Variants in ARHGAP26 observed in about 807,000 individuals in gnomAD.
ARHGAP26 encodes the protein rho GTPase-activating protein 26.
ARHGAP26 carries 38 observed loss-of-function variants against 104.8 expected under a neutral mutation model. That is an observed-to-expected ratio of 0.36 (90% CI 0.28 to 0.48). The LOEUF (loss-of-function observed/expected upper bound fraction) is 0.48, where lower values mean the gene tolerates loss of function less well. ARHGAP26 is among the 20% of genes least tolerant of loss of function. ARHGAP26 has a pLI of 0.99. For synonymous variants in ARHGAP26, 341 were observed against 340.0 expected (o/e 1.00, Z -0.03); for missense variants, 704 against 947.9 (o/e 0.74, Z 3.38).
intron 11 of ARHGAP26, among the ~76,000 whole-genome samples, chr5:142,969,878 A>G (rs933431056): frequency 2.0e-5 from 3 of 151,980 alleles, no homozygotes; most frequent in African/African-American, 7.3e-5. Context: ...TTTTCCTGTG[A>G]CAGTGTTTTG....
chr5:143,211,242 A>C (rs745462811), intron 21 of ARHGAP26, among the ~76,000 whole-genome samples: 4 of 152,200 alleles, frequency 2.6e-5, no homozygotes, highest in Non-Finnish European at 4.4e-5. Context: ...TGGATGGTAG[A>C]TAAACAACAA....
At position 143,214,024 on chromosome 5, in the gene ARHGAP26, G is replaced by A. The variant is rs1329395179; in HGVS notation, c.2127G>A (p.Leu709=). The A allele has an allele frequency of 1.3e-6, 2 of 1,593,324 alleles. No homozygotes were observed. The highest frequency in any genetic ancestry group is 1.1e-5 in the South Asian group (1 of 89,232). The change falls in exon 22 of 23, where the codon TTG becomes TTA. Residue 709 remains leucine, a synonymous_variant. Transcript: ENST00000645722. ...CACCGTTCCGGAAGGCAAAAGCCTTGTATGCCTGCAAAGCTGAACATGACT... is the reference window on the plus strand; with the variant it reads ...CACCGTTCCGGAAGGCAAAAGCCTTATATGCCTGCAAAGCTGAACATGACT... ...VSTPFRKAKA[L]YACKAEHDSE...
intron 11 of ARHGAP26, among the ~76,000 whole-genome samples, chr5:142,952,168 T>C (rs1318977379): frequency 2.0e-5 from 3 of 152,236 alleles, no homozygotes; most frequent in Admixed American, 1.3e-4. Context: ...TTACACTTTT[T>C]TTTCCAAATA....
At chr5:142,829,260 C>T (rs1383345089) in intron 1 of ARHGAP26, among the ~76,000 whole-genome samples, 3 of 152,200 alleles carry the variant, frequency 2.0e-5, no homozygotes, top group East Asian at 3.9e-4. Context: ...CTAGGTCACA[C>T]CTGCTATCTC....
rs750721099 is a variant in ARHGAP26 at position 143,057,613 on chromosome 5, A to G, written c.1433-29A>G. The G allele has an allele frequency of 6.3e-6, 10 of 1,586,208 alleles. No homozygotes were observed. The South Asian group carries it at 1.1e-4, about 18-fold the overall frequency. On this transcript the variant is annotated intron_variant, in intron 16 of 22. Transcript: ENST00000645722. The stretch of plus-strand genomic sequence containing the variant: ...AAAGTTGTTTAGCTGTGACACTGAT[A>G]AGATATTACCTCCCTCCTTCCTTTG...
chr5:142,820,084 A>G (rs1403592058), intron 1 of ARHGAP26, among the ~76,000 whole-genome samples: 3 of 152,170 alleles, frequency 2.0e-5, no homozygotes, highest in African/African-American at 7.2e-5. Context: ...AAAGGTTCCA[A>G]TTTCCTTCCC....
chr5:143,146,397 G>GAA (rs1185894920), intron 19 of ARHGAP26, among the ~76,000 whole-genome samples: 1 of 152,188 alleles, frequency 6.6e-6, no homozygotes, highest in African/African-American at 2.4e-5. Flanking sequence ...GCTGTGAAAG[G>GAA]CAGTTCTTGT....
intron 1 of ARHGAP26, among the ~76,000 whole-genome samples, chr5:142,836,614 C>T (rs928042188): frequency 1.2e-4 from 18 of 152,246 alleles, no homozygotes; most frequent in African/African-American, 2.9e-4. Flanking sequence ...AAGTTGTCTC[C>T]GGGTTACTTA....
chr5:142,879,088 C>T (rs1021108930), intron 3 of ARHGAP26, among the ~76,000 whole-genome samples: 5 of 152,158 alleles, frequency 3.3e-5, no homozygotes, highest in Admixed American at 3.3e-4. Flanking sequence ...TACCAGTTCC[C>T]CTCTGCCCCT....
At chr5:142,810,074 A>T (rs961606783) in intron 1 of ARHGAP26, among the ~76,000 whole-genome samples, 1 of 152,228 alleles carries the variant, frequency 6.6e-6, no homozygotes, top group Non-Finnish European at 1.5e-5. Context: ...ACTCACCCTT[A>T]GCTGCCCTGC....
At chr5:142,995,414 C>A (rs1164872395) in intron 11 of ARHGAP26, among the ~76,000 whole-genome samples, 1 of 152,216 alleles carries the variant, frequency 6.6e-6, no homozygotes, top group Admixed American at 6.5e-5. Context: ...ATAAAAAAAG[C>A]TCATCATCAC....
chr5:143,104,105 C>T (rs1175746799), intron 17 of ARHGAP26, among the ~76,000 whole-genome samples: 1 of 150,458 alleles, frequency 6.6e-6, no homozygotes, highest in Non-Finnish European at 1.5e-5. Flanking sequence ...CTAGTGAAAG[C>T]ACCAAAAGGA....
intron 11 of ARHGAP26, among the ~76,000 whole-genome samples, chr5:142,950,995 CT>C (rs1768263600): frequency 1.8e-4 from 1 of 5,672 alleles, no homozygotes; most frequent in Non-Finnish European, 5.0e-4. Flanking sequence ...TCCTCTTTCC[CT>C]TTCTCTTTCC....
rs1444731929 is a variant in ARHGAP26 at position 143,224,441 on chromosome 5, A to G, written c.*1995A>G. The G allele has an allele frequency of 4.4e-6, 1 of 228,408 alleles. No homozygotes were observed. Among genetic ancestry groups the G allele is most frequent in the East Asian group, 6.3e-5 (1 of 15,960 alleles). The allele number at this position is 228,408 out of a possible 1,614,324, so 14.1% of individuals were successfully genotyped here. A position where few individuals can be genotyped will look rare whatever the true frequency, so the allele number is the denominator to read the frequency against. ...GAGATGGGAAGAGCATCTCCAGGCA[A>G]TGAGTTTTTCAAAGAATGCCTACTT... On this transcript the variant is annotated 3_prime_UTR_variant, in exon 23 of 23. Transcript: ENST00000645722.
At chr5:143,121,739 C>T (rs1796160603) in intron 18 of ARHGAP26, among the ~76,000 whole-genome samples, 1 of 152,022 alleles carries the variant, frequency 6.6e-6, no homozygotes, top group African/African-American at 2.4e-5. Flanking sequence ...TCCTCATCCC[C>T]CAATTTGAAG....
At chr5:142,799,292 A>G (rs1761595477) in intron 1 of ARHGAP26, among the ~76,000 whole-genome samples, 1 of 152,130 alleles carries the variant, frequency 6.6e-6, no homozygotes, top group Non-Finnish European at 1.5e-5. Flanking sequence ...CTCAGACTAT[A>G]AGATCCCCTT....
chr5:142,982,950 C>T (rs1774160614), intron 11 of ARHGAP26, among the ~76,000 whole-genome samples: 1 of 152,194 alleles, frequency 6.6e-6, no homozygotes, highest in East Asian at 1.9e-4. Context: ...CTGTCCACCT[C>T]TGATAGCACA....
intron 6 of ARHGAP26, among the ~76,000 whole-genome samples, chr5:142,897,686 G>A (rs153170): frequency 0.47 from 71,085 of 152,124 alleles, 20,138 homozygotes; most frequent in East Asian, 0.91. Flanking sequence ...TGAAACTGTC[G>A]TGTACCGTGC....
chr5:143,179,173 A>G (rs1022016807), intron 20 of ARHGAP26, among the ~76,000 whole-genome samples: 1 of 152,102 alleles, frequency 6.6e-6, no homozygotes, highest in African/African-American at 2.4e-5. Context: ...CCAGCCATTT[A>G]TCATGTATCA....
Sources: gnomAD v4.1 joint callset for allele counts (sites outside exome capture counted in the v4.1 genomes callset) on GRCh38, gnomAD v4.1.1 for gene constraint, MANE v1.5 for transcripts, NCBI Gene and HGNC (gene_info 2026-07-23, HGNC 2026-07-21) for gene names.